CLSTN2: variants seen among roughly 807,000 people sequenced by gnomAD.
CLSTN2 encodes the protein calsyntenin-2.
CLSTN2 carries 48 observed loss-of-function variants against 101.2 expected under a neutral mutation model. That is an observed-to-expected ratio of 0.47 (90% CI 0.38 to 0.60). The LOEUF is 0.60. Among genes scored for constraint, CLSTN2 ranks in the 20% least tolerant of loss-of-function variants. The probability of loss-of-function intolerance (pLI) is 0.00; values close to 1 mark genes in which losing one functional copy is unlikely to be tolerated. For synonymous variants in CLSTN2, 481 were observed against 463.6 expected, an observed-to-expected ratio of 1.04 and a Z score of -0.48; for missense variants, 1,160 against 1,238.2, an observed-to-expected ratio of 0.94 and a Z score of 0.95.
At chr3:140,368,853 A>G (rs555395385) in intron 2 of CLSTN2, among the ~76,000 whole-genome samples, 1 of 152,306 alleles carries the variant, frequency 6.6e-6, no homozygotes, top group South Asian at 2.1e-4. Flanking sequence ...TATTCATTTT[A>G]TGTGAACATT....
At chr3:140,101,459 G>A (rs952802937) in intron 1 of CLSTN2, among the ~76,000 whole-genome samples, 1 of 152,194 alleles carries the variant, frequency 6.6e-6, no homozygotes, top group Non-Finnish European at 1.5e-5. Flanking sequence ...GTCGCTCCCA[G>A]GTTGGGCAAC....
At chr3:140,074,623 A>G (rs895183635) in intron 1 of CLSTN2, among the ~76,000 whole-genome samples, 1 of 152,330 alleles carries the variant, frequency 6.6e-6, no homozygotes, top group Non-Finnish European at 1.5e-5. Flanking sequence ...ACAACCTTTA[A>G]GGGAGAGATG....
In CLSTN2 at chr3:140,532,484, A is replaced by T. The variant is rs754814862; in HGVS notation, c.1505A>T (p.Gln502Leu). The T allele has an allele frequency of 6.2e-7, 1 of 1,611,836 alleles. No homozygotes were observed. Among genetic ancestry groups the T allele is most frequent in the Admixed American group, 1.7e-5 (1 of 59,802 alleles). ...CAACTCACAGTCGGCGCTTGTTGGCAAGGTAATCCTAAGTGAAACCCTTTT... is the reference window on the plus strand; with the variant it reads ...CAACTCACAGTCGGCGCTTGTTGGCTAGGTAATCCTAAGTGAAACCCTTTT... ...AMQLTVGACW[Q>L]GGEVTKPQFA... Residue 502 changes from glutamine (Q) to leucine (L), a missense_variant and splice_region_variant, in exon 9 of 17, where the codon CAA becomes CTA. Transcript: ENST00000458420.
At chr3:139,963,983 C>T (rs976478650) in intron 1 of CLSTN2, among the ~76,000 whole-genome samples, 2 of 152,200 alleles carry the variant, frequency 1.3e-5, no homozygotes, top group African/African-American at 2.4e-5. Context: ...GCTGTCTCCC[C>T]CACTCTCTCT....
At chr3:140,472,702 CT>C (rs981511182) in intron 8 of CLSTN2, among the ~76,000 whole-genome samples, 3 of 150,376 alleles carry the variant, frequency 2.0e-5, no homozygotes, top group African/African-American at 4.8e-5. Context: ...TCCAGAATGT[CT>C]TTTTTTTCTC....
Position 140,576,171 on chromosome 3 carries a change from A to G in CLSTN2, c.*9918A>G, listed in dbSNP as rs1337794277. On this transcript the variant is annotated 3_prime_UTR_variant, in exon 17 of 17. Transcript: ENST00000458420. ...AAGCCTCTGTGAATCCACAGATTCC[A>G]TGCAATATTCAGCCAGCCGCAGACA... 4 of 152,190 alleles carry G rather than the reference A, an allele frequency of 2.6e-5. No individual in the cohort carries two copies. Among genetic ancestry groups the G allele is most frequent in the African/African-American group, 9.7e-5 (4 of 41,444 alleles). The allele number at this position is 152,190 out of a possible 1,614,324, so 9.4% of individuals were successfully genotyped here.
intron 2 of CLSTN2, among the ~76,000 whole-genome samples, chr3:140,243,704 T>A (rs909122665): frequency 2.6e-5 from 4 of 152,152 alleles, no homozygotes; most frequent in African/African-American, 9.7e-5. Context: ...CTTCTCAAAG[T>A]GAAGTCCATG....
chr3:140,191,298 C>A (rs2010563714), intron 2 of CLSTN2, among the ~76,000 whole-genome samples: 1 of 151,844 alleles, frequency 6.6e-6, no homozygotes. Flanking sequence ...TTATAGCTTG[C>A]TGATTTCTAT....
chr3:140,256,067 G>A (rs981019594), intron 2 of CLSTN2, among the ~76,000 whole-genome samples: 11 of 152,150 alleles, frequency 7.2e-5, no homozygotes, highest in Non-Finnish European at 1.0e-4. Flanking sequence ...TTTCTGATGT[G>A]AGGGTCATGG....
chr3:140,371,192 C>A (rs1398919997), intron 2 of CLSTN2, among the ~76,000 whole-genome samples: 1 of 152,138 alleles, frequency 6.6e-6, no homozygotes, highest in African/African-American at 2.4e-5. Flanking sequence ...GGAGTCCCAG[C>A]AGGTACCTCT....
intron 2 of CLSTN2, among the ~76,000 whole-genome samples, chr3:140,261,867 A>G (rs2086657281): frequency 6.6e-6 from 1 of 152,102 alleles, no homozygotes; most frequent in Non-Finnish European, 1.5e-5. Context: ...CCATTAATTT[A>G]CTTAATGCCC....
intron 5 of CLSTN2, among the ~76,000 whole-genome samples, chr3:140,425,279 T>A (rs2088554580): frequency 6.6e-6 from 1 of 152,192 alleles, no homozygotes. Flanking sequence ...GAGCCTTTCC[T>A]TCCTTCGCAG....
At chr3:140,090,357 T>C (rs1157664933) in intron 1 of CLSTN2, among the ~76,000 whole-genome samples, 1 of 152,108 alleles carries the variant, frequency 6.6e-6, no homozygotes, top group East Asian at 1.9e-4. Context: ...TTGTCCAAGA[T>C]GGCAATAATC....
intron 1 of CLSTN2, among the ~76,000 whole-genome samples, chr3:140,013,391 G>C (rs1214487579): frequency 1.3e-5 from 2 of 152,192 alleles, no homozygotes; most frequent in Admixed American, 6.5e-5. Flanking sequence ...TGGAGAGAAG[G>C]CCTAGCTACT....
At chr3:139,997,248 C>G (rs551487752) in intron 1 of CLSTN2, among the ~76,000 whole-genome samples, 47 of 151,996 alleles carry the variant, frequency 3.1e-4, no homozygotes, top group Non-Finnish European at 4.3e-4. Flanking sequence ...TTTGAGACGT[C>G]TTTTGATGAA....
In CLSTN2 at chr3:140,032,004, G is replaced by T. The variant is rs573217736; in HGVS notation, c.109+96521G>T. ...CTCACTAGTCCTAATACTCTGTAGCGATGGGAACACTGTTACATGGTGCTC... is the reference window on the plus strand; with the variant it reads ...CTCACTAGTCCTAATACTCTGTAGCTATGGGAACACTGTTACATGGTGCTC... On this transcript the variant is annotated intron_variant, in intron 1 of 16. Transcript: ENST00000458420. Among the ~76,000 whole-genome samples, 3 of 152,256 alleles carry T rather than the reference G, an allele frequency of 2.0e-5. No individual in the cohort carries two copies. In the East Asian group the frequency reaches 5.8e-4, roughly 29 times the overall value.
intron 8 of CLSTN2, among the ~76,000 whole-genome samples, chr3:140,497,843 G>C (rs545541190): frequency 3.3e-5 from 5 of 152,202 alleles, no homozygotes; most frequent in Non-Finnish European, 7.3e-5. Context: ...GGAATCTCCT[G>C]ATCTGCAGGT....
At chr3:140,243,572 T>C (rs1559817205) in intron 2 of CLSTN2, among the ~76,000 whole-genome samples, 1 of 152,196 alleles carries the variant, frequency 6.6e-6, no homozygotes, top group Non-Finnish European at 1.5e-5. Flanking sequence ...TGGCTGTCCA[T>C]ACATAGTGAA....
rs536937636 is a variant in CLSTN2 at position 140,575,139 on chromosome 3, A to C, written c.*8886A>C. ...CACTAGCCAAACTTTAGGTGGTGTG[A>C]TACAGCAAAAAGCTTTTTTTGTTTT... On this transcript the variant is annotated 3_prime_UTR_variant, in exon 17 of 17. Coordinates refer to ENST00000458420, the MANE Select transcript of CLSTN2 (RefSeq NM_022131.3). 1.3e-5 allele frequency: 2 copies of C among 152,396 alleles called. No individual in the cohort carries two copies. The highest frequency in any genetic ancestry group is 2.9e-5 in the Non-Finnish European group (2 of 68,076). 9.4% of individuals were successfully genotyped at this position (152,396 alleles called of 1,614,324 possible).
Sources: gnomAD v4.1 joint callset for allele counts (sites outside exome capture counted in the v4.1 genomes callset) on GRCh38, gnomAD v4.1.1 for gene constraint, MANE v1.5 for transcripts, NCBI Gene and HGNC (gene_info 2026-07-23, HGNC 2026-07-21) for gene names.